The following ACOXL variants were observed in gnomAD, a reference collection of about 807,000 sequenced individuals.
ACOXL encodes the protein acyl-CoA oxidase like.
ACOXL carries 70 observed loss-of-function variants against 71.9 expected under a neutral mutation model. The observed-to-expected ratio is 0.97, with a 90% CI of 0.80 to 1.19. The LOEUF (loss-of-function observed/expected upper bound fraction) is 1.19, where lower values mean the gene tolerates loss of function less well. Among genes scored for constraint, ACOXL ranks in the 50% most tolerant of loss-of-function variants. ACOXL has a pLI of 0.00. For synonymous variants in ACOXL, 253 were observed against 281.6 expected (o/e 0.90, Z 1.02); for missense variants, 703 against 736.3 (o/e 0.95, Z 0.52).
At chr2:110,902,650 A>G (rs185395445) in intron 10 of ACOXL, among the ~76,000 whole-genome samples, 190 of 152,340 alleles carry the variant, frequency 1.2e-3, no homozygotes, top group Non-Finnish European at 2.0e-3. Context: ...ACTGATAATA[A>G]GAAGCCAGAT....
chr2:111,036,055 C>T (rs2065495852), intron 15 of ACOXL, among the ~76,000 whole-genome samples: 1 of 152,258 alleles, frequency 6.6e-6, no homozygotes, highest in African/African-American at 2.4e-5. Flanking sequence ...TTCCCCTTTT[C>T]ACTCAACTAA....
intron 9 of ACOXL, among the ~76,000 whole-genome samples, chr2:110,834,426 T>C (rs1346798031): frequency 3.3e-5 from 5 of 152,244 alleles, no homozygotes; most frequent in Non-Finnish European, 4.4e-5. Flanking sequence ...ATAATTCTTT[T>C]GTTTGAAACG....
chr2:111,015,028 T>C (rs547190862), intron 14 of ACOXL, among the ~76,000 whole-genome samples: 20 of 152,272 alleles, frequency 1.3e-4, no homozygotes, highest in African/African-American at 4.6e-4. Context: ...AAAGAAAACA[T>C]AGGAGAATAT....
chr2:110,991,203 G>C (rs924831539), intron 13 of ACOXL, among the ~76,000 whole-genome samples: 1 of 152,090 alleles, frequency 6.6e-6, no homozygotes, highest in Non-Finnish European at 1.5e-5. Context: ...AAGTTTTTAT[G>C]TGTACTATTC....
rs4458216 is a variant in ACOXL at position 110,743,558 on chromosome 2, A to G, written c.-23+10784A>G. Among the ~76,000 whole-genome samples the G allele has an allele frequency of 3.8e-3, 577 of 152,322 alleles. 5 individuals carry two copies. The highest frequency in any genetic ancestry group is 0.013 in the African/African-American group (540 of 41,576). ...AAAACAAACCCAAGTTCAGAGACTC[A>G]GGGAGGAGGGCCGGGTGGAGGTCAT... is the stretch of plus-strand genomic sequence containing the variant. On this transcript the variant is annotated intron_variant, in intron 1 of 17. Transcript: ENST00000439055.
intron 16 of ACOXL, among the ~76,000 whole-genome samples, chr2:111,079,790 G>A (rs1009543819): frequency 6.0e-5 from 9 of 149,838 alleles, no homozygotes; most frequent in South Asian, 2.1e-4. Flanking sequence ...CCCAGAACCA[G>A]AGCCCATAGC....
At chr2:110,908,139 G>A (rs1424974403) in intron 10 of ACOXL, among the ~76,000 whole-genome samples, 1 of 152,220 alleles carries the variant, frequency 6.6e-6, no homozygotes, top group African/African-American at 2.4e-5. Flanking sequence ...TGGGGGATTT[G>A]TCCCTGGGCA....
chr2:111,084,326 T>C (rs1031377739), intron 16 of ACOXL, among the ~76,000 whole-genome samples: 2 of 148,980 alleles, frequency 1.3e-5, no homozygotes, highest in African/African-American at 5.0e-5. Flanking sequence ...GGAAGGATTG[T>C]GGGGGAGACA....
chr2:110,747,242 C>A (rs1209634934), intron 1 of ACOXL, among the ~76,000 whole-genome samples: 1 of 152,102 alleles, frequency 6.6e-6, no homozygotes, highest in Non-Finnish European at 1.5e-5. Flanking sequence ...TCTCTGAGTC[C>A]ATTCTTTGGG....
chr2:110,938,277 T>A (rs2149358425), intron 12 of ACOXL, among the ~76,000 whole-genome samples: 1 of 151,718 alleles, frequency 6.6e-6, no homozygotes, highest in East Asian at 1.9e-4. Context: ...TGGGTCTCAG[T>A]GAGGATGCAG....
chr2:110,840,757 A>G (rs992998324), intron 9 of ACOXL, among the ~76,000 whole-genome samples: 3 of 152,214 alleles, frequency 2.0e-5, no homozygotes, highest in African/African-American at 4.8e-5. Flanking sequence ...TGCATGCACC[A>G]TATCTTGATG....
intron 14 of ACOXL, among the ~76,000 whole-genome samples, chr2:111,013,239 TGGG>T (rs1179619684): frequency 6.6e-6 from 1 of 151,592 alleles, no homozygotes; most frequent in Non-Finnish European, 1.5e-5. Context: ...ACAAAAAAAA[TGGG>T]GGCCAGGTGC....
At chr2:110,988,518 C>T (rs1185792147) in intron 13 of ACOXL, among the ~76,000 whole-genome samples, 2 of 152,076 alleles carry the variant, frequency 1.3e-5, no homozygotes, top group African/African-American at 4.8e-5. Flanking sequence ...TTGAAAAACA[C>T]TCCCCTACGG....
chr2:111,014,466 T>C (rs1293967857), intron 14 of ACOXL, among the ~76,000 whole-genome samples: 1 of 152,182 alleles, frequency 6.6e-6, no homozygotes, highest in Non-Finnish European at 1.5e-5. Flanking sequence ...ACCCAAGGAA[T>C]AATTGAAGCA....
intron 10 of ACOXL, among the ~76,000 whole-genome samples, chr2:110,864,276 G>T (rs1178960746): frequency 6.6e-6 from 1 of 152,168 alleles, no homozygotes; most frequent in East Asian, 1.9e-4. Flanking sequence ...ACGTTCTGTA[G>T]AGCATGTGGA....
At chr2:110,950,088 A>T (rs369203321) in intron 12 of ACOXL, among the ~76,000 whole-genome samples, 1 of 152,040 alleles carries the variant, frequency 6.6e-6, no homozygotes, top group African/African-American at 2.4e-5. Context: ...TTTAGGGTAC[A>T]TGTGCACAAT....
At chr2:110,741,067 A>G (rs987176113) in intron 1 of ACOXL, among the ~76,000 whole-genome samples, 3 of 152,144 alleles carry the variant, frequency 2.0e-5, no homozygotes, top group African/African-American at 7.2e-5. Flanking sequence ...AAAATATGTA[A>G]ATATCCCAGG....
intron 9 of ACOXL, among the ~76,000 whole-genome samples, chr2:110,810,511 A>C (rs1456710237): frequency 1.3e-5 from 2 of 151,324 alleles, no homozygotes; most frequent in African/African-American, 4.9e-5. Context: ...TCACCCATTC[A>C]CCCACCACCC....
chr2:110,940,608 G>T (rs1214607802), intron 12 of ACOXL, among the ~76,000 whole-genome samples: 1 of 152,138 alleles, frequency 6.6e-6, no homozygotes, highest in Non-Finnish European at 1.5e-5. Flanking sequence ...CTCACGTTTG[G>T]CCTCACTGAG....
Sources: allele counts gnomAD v4.1 joint callset (sites outside exome capture counted in the v4.1 genomes callset), GRCh38; gene constraint gnomAD v4.1.1; transcripts MANE v1.5; gene names NCBI Gene and HGNC (gene_info 2026-07-23, HGNC 2026-07-21).